Variants in PTPRQ observed in about 807,000 individuals in gnomAD.
PTPRQ encodes protein tyrosine phosphatase receptor type Q.
Under a neutral mutation model 246.0 loss-of-function variants are expected in PTPRQ, and 199 were observed. The observed-to-expected ratio is 0.81, with a 90% confidence interval of 0.72 to 0.91. The LOEUF (loss-of-function observed/expected upper bound fraction) is 0.91, where lower values mean the gene tolerates loss of function less well. PTPRQ is among the 40% of genes least tolerant of loss of function. The pLI is 0.00. For missense variants in PTPRQ, 2,624 were observed against 2,528.4 expected, an observed-to-expected ratio of 1.04 and a Z score of -0.81; for synonymous variants, 869 against 853.2, an observed-to-expected ratio of 1.02 and a Z score of -0.32.
At chr12:80,506,498 A>G (rs1283153178) in intron 15 of PTPRQ, 71 bp from the exon 16 acceptor site, 37 of 1,223,578 alleles carry the variant, frequency 3.0e-5, no homozygotes, top group Non-Finnish European at 4.1e-5. Flanking sequence ...CAGCCATTTC[A>G]TAGTTTGCCT....
chr12:80,648,111 A>G (rs1900137500), intron 35 of PTPRQ, among the ~76,000 whole-genome samples: 1 of 152,058 alleles, frequency 6.6e-6, no homozygotes. Context: ...TTCAAAAAAC[A>G]TATCTTCTTA....
chr12:80,510,197 T>C, intron 16 of PTPRQ, 126 bp from the exon 17 acceptor site: 1 of 997,898 alleles, frequency 1.0e-6, no homozygotes, highest in Non-Finnish European at 1.3e-6. Flanking sequence ...CTTGTGCTTC[T>C]GGAGAAAAGC....
At chr12:80,482,764 C>T (rs1390154821) in intron 8 of PTPRQ, among the ~76,000 whole-genome samples, 2 of 151,120 alleles carry the variant, frequency 1.3e-5, no homozygotes, top group African/African-American at 4.9e-5. Flanking sequence ...AGCCAAAAGA[C>T]ACATGAAAAA....
intron 6 of PTPRQ, among the ~76,000 whole-genome samples, chr12:80,462,965 C>A (rs1287782934): frequency 2.6e-5 from 4 of 152,010 alleles, no homozygotes; most frequent in Non-Finnish European, 5.9e-5. Flanking sequence ...AGCACCTCTC[C>A]TCCTCCAAAG....
intron 3 of PTPRQ, among the ~76,000 whole-genome samples, chr12:80,449,645 T>C (rs1031909103): frequency 6.6e-6 from 1 of 151,962 alleles, no homozygotes; most frequent in Non-Finnish European, 1.5e-5. Flanking sequence ...CCCTTCCCCA[T>C]TGCTTGTTTT....
rs954346108 is a variant in PTPRQ, at chr12:80,574,855, C to T, written c.4286-13274C>T. On this transcript the variant is annotated intron_variant, in intron 25 of 44. Coordinates refer to ENST00000644991, the MANE Select transcript of PTPRQ (RefSeq NM_001145026.2). ...TTTCTACTGAGCTCCTTGGATTCTC[C>T]GTCATGTACATATAATTAAAATATT... Among the ~76,000 whole-genome samples, 22 of 152,076 alleles carry T rather than the reference C, an allele frequency of 1.4e-4. 1 individual carries two copies. Among genetic ancestry groups the T allele is most frequent in the Admixed American group, 1.2e-3 (18 of 15,274 alleles).
chr12:80,478,866 T>A (rs1341127427), intron 8 of PTPRQ, among the ~76,000 whole-genome samples: 1 of 152,102 alleles, frequency 6.6e-6, no homozygotes, highest in African/African-American at 2.4e-5. Flanking sequence ...CCAAGAAATA[T>A]GGGACTATGT....
In PTPRQ at chr12:80,468,694, T is replaced by C; in HGVS notation, c.911-16T>C. 6.6e-7 allele frequency: 1 copy of C among 1,520,280 alleles called. No homozygotes were observed. Among genetic ancestry groups the C allele is most frequent in the East Asian group, 2.5e-5 (1 of 40,036 alleles). 94.2% of individuals were successfully genotyped at this position (1,520,280 alleles called of 1,614,324 possible). A position where few individuals can be genotyped will look rare whatever the true frequency, so the allele number is the denominator to read the frequency against. ...TTAAATATATGTTATGTATTTATTT[T>C]CTATAATTATTTTAGTGCCTGAAGG... On this transcript the variant is annotated splice_polypyrimidine_tract_variant and intron_variant, in intron 6 of 44. Transcript: ENST00000644991.
intron 8 of PTPRQ, among the ~76,000 whole-genome samples, chr12:80,478,884 C>A (rs542108110): frequency 1.3e-5 from 2 of 152,190 alleles, no homozygotes; most frequent in African/African-American, 2.4e-5. Flanking sequence ...TGTGAAAAGA[C>A]CAAATCTACG....
At position 80,616,262 on chromosome 12, in the gene PTPRQ, C is replaced by T. The variant is rs1383311184; in HGVS notation, c.5226C>T (p.Ile1742=). Residue 1742 remains isoleucine, a synonymous_variant, in exon 30 of 45, where the codon ATC becomes ATT. Coordinates refer to ENST00000644991, the MANE Select transcript of PTPRQ (RefSeq NM_001145026.2). Reference sequence around the variant, plus strand: ...TTCCGATGAGAATAACCATGGATATCAAAGGTACATACATGAGCTACCTTC... The same window carrying T: ...TTCCGATGAGAATAACCATGGATATTAAAGGTACATACATGAGCTACCTTC... ...PKVPMRITMD[I]KAPARPKTKP... 6.7e-7 allele frequency: 1 copy of T among 1,483,252 alleles called. No individual in the cohort carries two copies. The highest frequency in any genetic ancestry group is 9.0e-7 in the Non-Finnish European group (1 of 1,114,728). 91.9% of individuals were successfully genotyped at this position (1,483,252 alleles called of 1,614,324 possible).
intron 35 of PTPRQ, among the ~76,000 whole-genome samples, chr12:80,643,446 A>C (rs1592751831): frequency 6.6e-6 from 1 of 152,158 alleles, no homozygotes; most frequent in East Asian, 1.9e-4. Context: ...CTCAAAAAAA[A>C]AAAAAAGGAA....
At chr12:80,559,084 G>A (rs1896748835) in intron 25 of PTPRQ, among the ~76,000 whole-genome samples, 2 of 152,124 alleles carry the variant, frequency 1.3e-5, no homozygotes, top group African/African-American at 2.4e-5. Flanking sequence ...TCGCTCTGTC[G>A]CCCGGGGTGG....
At chr12:80,444,596 C>A in intron 1 of PTPRQ, 145 bp from the exon 2 acceptor site, 2 of 709,818 alleles carry the variant, frequency 2.8e-6, no homozygotes, top group African/African-American at 1.8e-5. Flanking sequence ...TTGTATCTTA[C>A]AATAATATGG....
intron 17 of PTPRQ, among the ~76,000 whole-genome samples, chr12:80,521,227 AT>A (rs1411417440): frequency 7.9e-5 from 12 of 151,320 alleles, no homozygotes; most frequent in East Asian, 1.9e-4. Context: ...TTTCTTGTAA[AT>A]TTTGTTTGAG....
intron 26 of PTPRQ, among the ~76,000 whole-genome samples, chr12:80,591,588 A>G (rs1454035780): frequency 6.6e-6 from 1 of 152,226 alleles, no homozygotes; most frequent in Admixed American, 6.5e-5. Context: ...TAACAAAGAT[A>G]GCAAAAATAT....
At chr12:80,542,470 G>C in intron 22 of PTPRQ, 106 bp downstream of exon 22, 1 of 1,411,730 alleles carries the variant, frequency 7.1e-7, no homozygotes, top group Non-Finnish European at 9.3e-7. Flanking sequence ...TTGTCTATTT[G>C]TAACAGCCTT....
At chr12:80,678,754 C>G (rs1050210147) in intron 44 of PTPRQ, 29 bp downstream of exon 44, 1 of 1,525,906 alleles carries the variant, frequency 6.6e-7, no homozygotes, top group African/African-American at 1.4e-5. Context: ...ATATGCCCAG[C>G]TTACTAGTTT....
chr12:80,478,814 G>A (rs1400546076), intron 8 of PTPRQ, among the ~76,000 whole-genome samples: 2 of 152,232 alleles, frequency 1.3e-5, no homozygotes, highest in Admixed American at 1.3e-4. Context: ...AGCGAGAAGG[G>A]AAGTTTAGAG....
intron 26 of PTPRQ, among the ~76,000 whole-genome samples, chr12:80,597,157 C>T (rs1342799694): frequency 6.6e-6 from 1 of 151,892 alleles, no homozygotes; most frequent in Non-Finnish European, 1.5e-5. Flanking sequence ...CAAAATTATA[C>T]TTTTGAGGTT....
Sources: gnomAD v4.1 joint callset for allele counts (sites outside exome capture counted in the v4.1 genomes callset) on GRCh38, gnomAD v4.1.1 for gene constraint, MANE v1.5 for transcripts, NCBI Gene and HGNC (gene_info 2026-07-23, HGNC 2026-07-21) for gene names.